The following SKAP2 variants were observed in gnomAD, a reference collection of about 807,000 sequenced individuals.
SKAP2 encodes the protein src kinase associated phosphoprotein 2.
Under a neutral mutation model 54.9 loss-of-function variants are expected in SKAP2, and 28 were observed. The observed-to-expected ratio is 0.51, with a 90% CI of 0.38 to 0.70. The LOEUF (loss-of-function observed/expected upper bound fraction) is 0.70, where lower values mean the gene tolerates loss of function less well. SKAP2 is among the 30% of genes least tolerant of loss of function. The probability of loss-of-function intolerance (pLI) is 0.00; values close to 1 mark genes in which losing one functional copy is unlikely to be tolerated. For synonymous variants in SKAP2, 137 were observed against 134.3 expected (o/e 1.02, Z -0.14); for missense variants, 356 against 424.1 (o/e 0.84, Z 1.41).
chr7:26,739,019 C>A, intron 5 of SKAP2, 141 bp from the exon 6 acceptor site: 1 of 639,544 alleles, frequency 1.6e-6, no homozygotes, highest in Non-Finnish European at 2.8e-6. Context: ...AAAAACCAAA[C>A]AACAACAAAC....
intron 4 of SKAP2, among the ~76,000 whole-genome samples, chr7:26,800,042 T>C (rs537330255): frequency 2.0e-5 from 3 of 152,070 alleles, no homozygotes; most frequent in African/African-American, 2.4e-5. Context: ...GAGAATGGCA[T>C]GAACCCAGGA....
At chr7:26,759,892 C>T (rs1178312951) in intron 4 of SKAP2, among the ~76,000 whole-genome samples, 2 of 152,044 alleles carry the variant, frequency 1.3e-5, no homozygotes, top group African/African-American at 4.8e-5. Context: ...AGTGACAGTA[C>T]TCAGCTACTT....
intron 4 of SKAP2, among the ~76,000 whole-genome samples, chr7:26,794,768 C>G (rs1783738666): frequency 6.6e-6 from 1 of 152,044 alleles, no homozygotes; most frequent in African/African-American, 2.4e-5. Context: ...CACCACTGGA[C>G]TACAGGAAGT....
rs1786183151 is a variant in SKAP2 at position 26,669,419 on chromosome 7, A to G, written c.*247T>C. 2 of 152,196 alleles carry G rather than the reference A, an allele frequency of 1.3e-5. No homozygotes were observed. The highest frequency in any genetic ancestry group is 4.8e-5 in the African/African-American group (2 of 41,456). The allele number at this position is 152,196 out of a possible 1,614,324, so 9.4% of individuals were successfully genotyped here. A position where few individuals can be genotyped will look rare whatever the true frequency, so the allele number is the denominator to read the frequency against. ...CAAATCAAATGGGTAAATAAAAACT[A>G]TAATTATTTCTTTGCAAAATAGCAA... On this transcript the variant is annotated 3_prime_UTR_variant, in exon 13 of 13. Coordinates refer to ENST00000345317, the MANE Select transcript of SKAP2 (RefSeq NM_003930.5).
chr7:26,763,982 T>C (rs549944499), intron 4 of SKAP2, among the ~76,000 whole-genome samples: 4 of 152,316 alleles, frequency 2.6e-5, no homozygotes, highest in South Asian at 4.1e-4. Flanking sequence ...ACTGAAAGGT[T>C]GTTAGGCAGC....
intron 4 of SKAP2, among the ~76,000 whole-genome samples, chr7:26,752,537 A>G (rs1782708733): frequency 6.6e-6 from 1 of 152,114 alleles, no homozygotes; most frequent in Non-Finnish European, 1.5e-5. Flanking sequence ...AGGAACAGAC[A>G]CCCTGCACAA....
At position 26,844,142 on chromosome 7, in the gene SKAP2, T is replaced by TAA. The variant is rs61646374; in HGVS notation, c.200-7_200-6dup. 9.3e-3 allele frequency: 11,851 copies of TAA among 1,272,342 alleles called. No homozygotes were observed. Among genetic ancestry groups the TAA allele is most frequent in the South Asian group, 0.013 (953 of 75,800 alleles). 78.8% of individuals were successfully genotyped at this position (1,272,342 alleles called of 1,614,324 possible). ...CTTCCCCATCTTCTGCATCACCTGT[T>TAA]AAAAAAAAAAAAAATCAGAGAACTG... On this transcript the variant is annotated splice_region_variant and splice_polypyrimidine_tract_variant and intron_variant, in intron 3 of 12. Coordinates refer to ENST00000345317, the MANE Select transcript of SKAP2 (RefSeq NM_003930.5).
At chr7:26,726,043 T>C (rs887262209) in intron 7 of SKAP2, 57 bp from the exon 8 acceptor site, 8 of 1,121,874 alleles carry the variant, frequency 7.1e-6, no homozygotes, top group Non-Finnish European at 1.1e-5. Flanking sequence ...GAAAGGTATG[T>C]TGTATTCTTA....
At chr7:26,689,402 C>T (rs1257332998) in intron 10 of SKAP2, among the ~76,000 whole-genome samples, 1 of 152,174 alleles carries the variant, frequency 6.6e-6, no homozygotes, top group Admixed American at 6.6e-5. Flanking sequence ...CATGCTTGCA[C>T]TACAGATATG....
chr7:26,664,434 G>C (rs1168669949), downstream of SKAP2, among the ~76,000 whole-genome samples: 1 of 152,082 alleles, frequency 6.6e-6, no homozygotes, highest in African/African-American at 2.4e-5. Context: ...GAGCTGGGAG[G>C]GGAGGGTAGT....
chr7:26,719,468 C>T (rs1787531554), intron 9 of SKAP2, among the ~76,000 whole-genome samples: 1 of 152,194 alleles, frequency 6.6e-6, no homozygotes, highest in Admixed American at 6.5e-5. Context: ...TGGAATTGCT[C>T]AGCCTTGCAT....
intron 12 of SKAP2, 143 bp downstream of exon 12, chr7:26,669,948 T>C (rs1165864851): frequency 1.2e-5 from 5 of 401,484 alleles, no homozygotes; most frequent in Non-Finnish European, 2.2e-5. Flanking sequence ...TTAAACCAGA[T>C]CAAACAAAAC....
chr7:26,676,483 T>A (rs978137213), intron 11 of SKAP2, among the ~76,000 whole-genome samples: 12 of 152,202 alleles, frequency 7.9e-5, no homozygotes, highest in Non-Finnish European at 1.8e-4. Context: ...ATTTTTCCTT[T>A]GGGCTTTTAT....
At chr7:26,672,541 C>T (rs1786264527) in intron 11 of SKAP2, among the ~76,000 whole-genome samples, 1 of 151,928 alleles carries the variant, frequency 6.6e-6, no homozygotes, top group Admixed American at 6.6e-5. Context: ...AGGAAACATA[C>T]ACTTGATAAA....
Position 26,800,477 on chromosome 7 carries a change from T to C in SKAP2, c.307+43553A>G, listed in dbSNP as rs201745422. Among the ~76,000 whole-genome samples the C allele has an allele frequency of 1.1e-4, 17 of 151,468 alleles. No homozygotes were observed. In the East Asian group the frequency reaches 3.3e-3, roughly 29 times the overall value. On this transcript the variant is annotated intron_variant, in intron 4 of 12. Transcript: ENST00000345317. ...AAGCAAGAGCAAACCAAACCCAAAA[T>C]TAGTAGAAGAAAAAATAAATAAATA...
intron 6 of SKAP2, among the ~76,000 whole-genome samples, chr7:26,730,090 A>C (rs531511951): frequency 1.6e-3 from 245 of 152,312 alleles, no homozygotes; most frequent in Admixed American, 3.3e-3. Flanking sequence ...CATATCTCCA[A>C]TTAGCCAATA....
Position 26,669,200 on chromosome 7 carries a change from T to C in SKAP2, c.*466A>G, listed in dbSNP as rs1786179078. 6.6e-6 allele frequency: 1 copy of C among 152,194 alleles called. No individual in the cohort carries two copies. Among genetic ancestry groups the C allele is most frequent in the African/African-American group, 2.4e-5 (1 of 41,450 alleles). 9.4% of individuals were successfully genotyped at this position (152,194 alleles called of 1,614,324 possible). A position where few individuals can be genotyped will look rare whatever the true frequency, so the allele number is the denominator to read the frequency against. Reference sequence around the variant, plus strand: ...AGCATTCTTTGTTTAGCAACCACATTCTTCAGCATCTACCAAAAAAAACTC... The same window carrying C: ...AGCATTCTTTGTTTAGCAACCACATCCTTCAGCATCTACCAAAAAAAACTC... On this transcript the variant is annotated 3_prime_UTR_variant, in exon 13 of 13. Coordinates refer to ENST00000345317, the MANE Select transcript of SKAP2 (RefSeq NM_003930.5).
At chr7:26,791,155 T>C (rs1368890278) in intron 4 of SKAP2, among the ~76,000 whole-genome samples, 1 of 152,238 alleles carries the variant, frequency 6.6e-6, no homozygotes, top group Non-Finnish European at 1.5e-5. Context: ...AGCATTATCA[T>C]ATCACATATT....
intron 11 of SKAP2, among the ~76,000 whole-genome samples, chr7:26,680,660 C>G (rs1489353710): frequency 6.6e-6 from 1 of 152,080 alleles, no homozygotes; most frequent in African/African-American, 2.4e-5. Flanking sequence ...AATTTTAACA[C>G]ATAAAAAAAC....
Sources: allele counts gnomAD v4.1 joint callset (sites outside exome capture counted in the v4.1 genomes callset), GRCh38; gene constraint gnomAD v4.1.1; transcripts MANE v1.5; gene names NCBI Gene and HGNC (gene_info 2026-07-23, HGNC 2026-07-21).